Variants in ASRGL1 observed in about 807,000 individuals in gnomAD.
ASRGL1 encodes asparaginase and isoaspartyl peptidase 1, also known as isoaspartyl peptidase/L-asparaginase.
Under a neutral mutation model 22.4 loss-of-function variants are expected in ASRGL1, and 16 were observed. The ratio of observed to expected loss-of-function variants is 0.71; its 90% confidence interval spans 0.48 to 1.08. The LOEUF is 1.08. Ranked by LOEUF, ASRGL1 falls within the 50% of genes least tolerant of loss-of-function variation. The pLI, the probability that ASRGL1 is intolerant of heterozygous loss-of-function variation, is 0.00. For synonymous variants in ASRGL1, 165 were observed against 159.3 expected (o/e 1.04, Z -0.27); for missense variants, 412 against 410.1 (o/e 1.00, Z -0.04).
chr11:62,361,144 C>A (rs1254361299), intron 4 of ASRGL1, among the ~76,000 whole-genome samples: 1 of 152,054 alleles, frequency 6.6e-6, no homozygotes, highest in Non-Finnish European at 1.5e-5. Context: ...GACATGAAAT[C>A]ATTTGTAAAA....
At chr11:62,339,273 AATTTGGT>A (rs956398665) in intron 2 of ASRGL1, among the ~76,000 whole-genome samples, 2 of 152,066 alleles carry the variant, frequency 1.3e-5, no homozygotes, top group African/African-American at 4.8e-5. Flanking sequence ...GTCCCGCTGG[AATTTGGT>A]ATCTTATTGC....
At chr11:62,351,186 T>C (rs930736537) in intron 2 of ASRGL1, among the ~76,000 whole-genome samples, 6 of 152,196 alleles carry the variant, frequency 3.9e-5, no homozygotes, top group African/African-American at 1.4e-4. Flanking sequence ...GCTGATCATA[T>C]AATTGTCTTA....
In ASRGL1 at chr11:62,343,377, CAA is replaced by C. The variant is rs35798082; in HGVS notation, c.190+5228_190+5229del. Among the ~76,000 whole-genome samples, 380 of 86,306 alleles carry C rather than the reference CAA, an allele frequency of 4.4e-3. 1 individual carries two copies. Among genetic ancestry groups the C allele is most frequent in the African/African-American group, 0.016 (341 of 21,454 alleles). 56.6% of individuals were successfully genotyped at this position (86,306 alleles called of 152,430 possible). ...TGGGTGACAGAGTGAGACCCTGTCT[CAA>C]AAAAAAAAAAAAAAAAAGGAACTGC... On this transcript the variant is annotated intron_variant, in intron 2 of 6. Transcript: ENST00000415229.
At chr11:62,341,690 G>A (rs926058695) in intron 2 of ASRGL1, among the ~76,000 whole-genome samples, 2 of 152,168 alleles carry the variant, frequency 1.3e-5, no homozygotes, top group Non-Finnish European at 2.9e-5. Flanking sequence ...TGGGTTTGGT[G>A]TTGGTTTGTT....
chr11:62,354,433 A>G (rs1420110022), intron 2 of ASRGL1, among the ~76,000 whole-genome samples: 1 of 152,152 alleles, frequency 6.6e-6, no homozygotes, highest in African/African-American at 2.4e-5. Context: ...TTAATATATT[A>G]ATTAGCCGCA....
At chr11:62,356,274 G>T in intron 2 of ASRGL1, 51 bp from the exon 3 acceptor site, 1 of 1,601,608 alleles carries the variant, frequency 6.2e-7, no homozygotes, top group Non-Finnish European at 8.5e-7. Context: ...CTCCCTCCCG[G>T]ACGGGGCGTA....
chr11:62,360,030 T>G (rs2134618639), intron 4 of ASRGL1, among the ~76,000 whole-genome samples: 2 of 151,550 alleles, frequency 1.3e-5, no homozygotes, highest in East Asian at 3.9e-4. Context: ...TTTTTTTTTT[T>G]TTTGGTTTTG....
At chr11:62,354,584 C>G (rs1367968242) in intron 2 of ASRGL1, among the ~76,000 whole-genome samples, 2 of 152,136 alleles carry the variant, frequency 1.3e-5, no homozygotes, top group African/African-American at 4.8e-5. Context: ...GCTACTGCAG[C>G]TGATCTGCTT....
chr11:62,367,324 T>C (rs35105438), intron 4 of ASRGL1, among the ~76,000 whole-genome samples: 58,232 of 140,180 alleles, frequency 0.42, 11,537 homozygotes, highest in South Asian at 0.45. Flanking sequence ...GGCGACAGAG[T>C]GAAACTCTGT....
chr11:62,386,084 C>T (rs1947194059), intron 4 of ASRGL1, among the ~76,000 whole-genome samples: 1 of 152,160 alleles, frequency 6.6e-6, no homozygotes, highest in Non-Finnish European at 1.5e-5. Context: ...ATAGCTTGAA[C>T]CCATGAGGCA....
intron 6 of ASRGL1, 164 bp downstream of exon 6, chr11:62,391,796 T>G: frequency 2.2e-6 from 2 of 923,794 alleles, no homozygotes; most frequent in Admixed American, 5.6e-5. Context: ...TTCCCTTAGG[T>G]CTGGAATGGT....
At chr11:62,362,459 T>A (rs1054360215) in intron 4 of ASRGL1, among the ~76,000 whole-genome samples, 17 of 114,000 alleles carry the variant, frequency 1.5e-4, no homozygotes, top group African/African-American at 3.8e-4. Context: ...TAACCAAAAA[T>A]ATATATATAT....
chr11:62,366,947 G>A (rs1946625120), intron 4 of ASRGL1, among the ~76,000 whole-genome samples: 1 of 152,232 alleles, frequency 6.6e-6, no homozygotes, highest in Non-Finnish European at 1.5e-5. Context: ...CCTCACGCCT[G>A]TAATCCCAGC....
chr11:62,380,437 A>G (rs1309682441), intron 4 of ASRGL1, among the ~76,000 whole-genome samples: 1 of 152,152 alleles, frequency 6.6e-6, no homozygotes, highest in African/African-American at 2.4e-5. Context: ...CCAGGCCCTA[A>G]GGCAGATAGC....
At chr11:62,352,221 C>G (rs1946183312) in intron 2 of ASRGL1, among the ~76,000 whole-genome samples, 1 of 152,156 alleles carries the variant, frequency 6.6e-6, no homozygotes, top group African/African-American at 2.4e-5. Flanking sequence ...CTTGCCCACT[C>G]TCATGGGCAC....
chr11:62,337,769 A>G, intron 1 of ASRGL1, 121 bp from the exon 2 acceptor site: 2 of 500,204 alleles, frequency 4.0e-6, no homozygotes, highest in South Asian at 3.2e-5. Context: ...GGGGGCGGAG[A>G]GGAACGCGGG....
chr11:62,356,717 A>G (rs748270663), intron 3 of ASRGL1, among the ~76,000 whole-genome samples: 16 of 152,348 alleles, frequency 1.1e-4, no homozygotes, highest in South Asian at 1.0e-3. Context: ...CAGCTATTTA[A>G]TAGCATGTGT....
intron 4 of ASRGL1, among the ~76,000 whole-genome samples, chr11:62,388,865 A>G (rs1208220245): frequency 6.6e-6 from 1 of 152,100 alleles, no homozygotes; most frequent in South Asian, 2.1e-4. Flanking sequence ...ACAAAGAGAC[A>G]CAAAATAAAA....
intron 4 of ASRGL1, among the ~76,000 whole-genome samples, chr11:62,362,545 TATATA>T (rs1565161950): frequency 5.5e-4 from 15 of 27,156 alleles, no homozygotes; most frequent in African/African-American, 2.3e-3. Context: ...TTATATAAAA[TATATA>T]ACATATATTA....
Sources: allele counts gnomAD v4.1 joint callset (sites outside exome capture counted in the v4.1 genomes callset), GRCh38; gene constraint gnomAD v4.1.1; transcripts MANE v1.5; gene names NCBI Gene and HGNC (gene_info 2026-07-23, HGNC 2026-07-21).